CDYL2: variants seen among roughly 807,000 people sequenced by gnomAD.
The protein encoded by CDYL2 is chromodomain Y like 2, also known as chromodomain Y-like protein 2.
In CDYL2, 23 loss-of-function variants were observed where a neutral mutation model predicts 49.4. That is an observed-to-expected ratio of 0.47 (90% CI 0.34 to 0.66). The LOEUF (loss-of-function observed/expected upper bound fraction) is 0.66. Among genes scored for constraint, CDYL2 ranks in the 30% least tolerant of loss-of-function variants. The pLI, the probability that CDYL2 is intolerant of heterozygous loss-of-function variation, is 0.01. For synonymous variants in CDYL2, 360 were observed against 268.8 expected (o/e 1.34, Z -3.32); for missense variants, 678 against 656.4 (o/e 1.03, Z -0.36).
intron 2 of CDYL2, among the ~76,000 whole-genome samples, chr16:80,657,404 T>A (rs928037609): frequency 8.5e-5 from 13 of 152,116 alleles, no homozygotes; most frequent in Non-Finnish European, 1.2e-4. Context: ...ATATCCCCAA[T>A]TGTAAAGAAC....
chr16:80,656,401 G>A (rs535035966), intron 2 of CDYL2, among the ~76,000 whole-genome samples: 1 of 152,370 alleles, frequency 6.6e-6, no homozygotes, highest in Admixed American at 6.5e-5. Flanking sequence ...CGGGGGCACT[G>A]CCTGCATTCA....
intron 3 of CDYL2, among the ~76,000 whole-genome samples, chr16:80,631,498 A>C (rs1907560328): frequency 6.6e-6 from 1 of 152,232 alleles, no homozygotes; most frequent in African/African-American, 2.4e-5. Flanking sequence ...TTATTCATCT[A>C]AGACATAAGC....
At chr16:80,654,122 G>A (rs202068494) in intron 2 of CDYL2, among the ~76,000 whole-genome samples, 2,550 of 152,346 alleles carry the variant, frequency 0.017, 58 homozygotes, top group African/African-American at 0.039. Context: ...GTGGTGATTT[G>A]GGGAAGAAGG....
chr16:80,691,218 G>C (rs149688215), intron 1 of CDYL2, among the ~76,000 whole-genome samples: 2 of 152,318 alleles, frequency 1.3e-5, no homozygotes, highest in East Asian at 1.9e-4. Flanking sequence ...TCAACATCCT[G>C]AGACAACTCC....
intron 2 of CDYL2, among the ~76,000 whole-genome samples, chr16:80,640,182 G>A (rs67743011): frequency 0.13 from 19,383 of 152,170 alleles, 1,499 homozygotes; most frequent in Middle Eastern, 0.2. Context: ...ACACCAGACT[G>A]CACACCTCAA....
chr16:80,668,661 G>C (rs1041866490), intron 2 of CDYL2, among the ~76,000 whole-genome samples: 2 of 152,026 alleles, frequency 1.3e-5, no homozygotes, highest in African/African-American at 4.8e-5. Context: ...CATTTCGGGA[G>C]GCCAAAGCAG....
intron 2 of CDYL2, among the ~76,000 whole-genome samples, chr16:80,638,034 A>G (rs762979162): frequency 7.2e-5 from 11 of 152,202 alleles, no homozygotes; most frequent in Non-Finnish European, 1.6e-4. Context: ...AAGAAAATCT[A>G]AGTAAATGGA....
At position 80,654,463 on chromosome 16, in the gene CDYL2, G is replaced by A. The variant is rs74823510; in HGVS notation, c.617-21227C>T. Among the ~76,000 whole-genome samples, 125 of 152,318 alleles carry A rather than the reference G, an allele frequency of 8.2e-4. 2 individuals carry two copies. In the East Asian group the frequency reaches 0.023, roughly 27 times the overall value. ...GCACAACACCATTCTGGTAATATTTGCTGTCTCTCTAATAACATAATGTCT... is the reference window on the plus strand; with the variant it reads ...GCACAACACCATTCTGGTAATATTTACTGTCTCTCTAATAACATAATGTCT... On this transcript the variant is annotated intron_variant, in intron 2 of 6. Coordinates refer to ENST00000570137, the MANE Select transcript of CDYL2 (RefSeq NM_152342.4).
chr16:80,687,606 A>C (rs547841163), intron 1 of CDYL2, among the ~76,000 whole-genome samples: 3 of 152,226 alleles, frequency 2.0e-5, no homozygotes, highest in African/African-American at 7.2e-5. Context: ...GATGGATGAA[A>C]AGGTGGGGAC....
chr16:80,745,173 A>C (rs1424574197), intron 1 of CDYL2, among the ~76,000 whole-genome samples: 1 of 152,148 alleles, frequency 6.6e-6, no homozygotes, highest in Non-Finnish European at 1.5e-5. Flanking sequence ...TGAGAGGTTC[A>C]AGCAAACTGC....
At chr16:80,798,708 A>T (rs1237290594) in intron 1 of CDYL2, among the ~76,000 whole-genome samples, 9 of 152,204 alleles carry the variant, frequency 5.9e-5, no homozygotes, top group Non-Finnish European at 2.9e-5. Context: ...AATTTTCAAC[A>T]TCAAAGGGGA....
In CDYL2 at chr16:80,728,304, A is replaced by G. The variant is rs188405202; in HGVS notation, c.25-43175T>C. ...CTCGAGAACTACATGAAGAATGCAG[A>G]AGCCTCAGGAGCCGATGCGATCAAC... On this transcript the variant is annotated intron_variant, in intron 1 of 6. Transcript: ENST00000570137. Among the ~76,000 whole-genome samples, 748 of 152,274 alleles carry G rather than the reference A, an allele frequency of 4.9e-3. 1 individual carries two copies. The highest frequency in any genetic ancestry group is 8.4e-3 in the Non-Finnish European group (569 of 68,006).
Position 80,723,971 on chromosome 16 carries a change from G to C in CDYL2, c.25-38842C>G, listed in dbSNP as rs190340746. Among the ~76,000 whole-genome samples the C allele has an allele frequency of 6.3e-3, 894 of 142,044 alleles. 8 individuals are homozygous for C. The highest frequency in any genetic ancestry group is 0.024 in the African/African-American group (859 of 36,462). 93.2% of individuals were successfully genotyped at this position (142,044 alleles called of 152,430 possible). On this transcript the variant is annotated intron_variant, in intron 1 of 6. Coordinates refer to ENST00000570137, the MANE Select transcript of CDYL2 (RefSeq NM_152342.4). The stretch of plus-strand genomic sequence containing the variant: ...AGAAAAAGGGGGGAGAAAGAGGAGG[G>C]AGAGAGAGGAAGAAGCAAGGAGAGA...
At chr16:80,742,782 G>C (rs1475590457) in intron 1 of CDYL2, among the ~76,000 whole-genome samples, 1 of 144,534 alleles carries the variant, frequency 6.9e-6, no homozygotes, top group African/African-American at 2.6e-5. Flanking sequence ...GGATAGATGG[G>C]CAGATGGATG....
intron 1 of CDYL2, among the ~76,000 whole-genome samples, chr16:80,728,976 G>A (rs909102391): frequency 8.6e-5 from 13 of 151,464 alleles, no homozygotes; most frequent in Non-Finnish European, 1.6e-4. Context: ...AGGAACAACC[G>A]GTACCAGCCA....
chr16:80,791,900 A>G (rs1907622124), intron 1 of CDYL2, among the ~76,000 whole-genome samples: 1 of 152,254 alleles, frequency 6.6e-6, no homozygotes, highest in African/African-American at 2.4e-5. Flanking sequence ...GAAGGGCTAG[A>G]TGCAGAAATA....
intron 2 of CDYL2, among the ~76,000 whole-genome samples, chr16:80,680,210 G>A (rs1220970679): frequency 2.0e-5 from 3 of 152,148 alleles, no homozygotes; most frequent in East Asian, 1.9e-4. Flanking sequence ...GGAATGACTC[G>A]TTCAATGGTA....
chr16:80,726,568 T>C (rs1045315375), intron 1 of CDYL2, among the ~76,000 whole-genome samples: 1 of 152,226 alleles, frequency 6.6e-6, no homozygotes, highest in Non-Finnish European at 1.5e-5. Flanking sequence ...TCTTTCCTCA[T>C]TAAACTGCAA....
At chr16:80,724,317 GGGAAGA>G (rs887249637) in intron 1 of CDYL2, among the ~76,000 whole-genome samples, 5 of 150,162 alleles carry the variant, frequency 3.3e-5, no homozygotes, top group African/African-American at 9.8e-5. Context: ...AGAGGAAGAT[GGGAAGA>G]GGAAGAGGAG....
Sources: allele counts gnomAD v4.1 joint callset (sites outside exome capture counted in the v4.1 genomes callset), GRCh38; gene constraint gnomAD v4.1.1; transcripts MANE v1.5; gene names NCBI Gene and HGNC (gene_info 2026-07-23, HGNC 2026-07-21).